The following RBFOX1 variants were observed in gnomAD, a reference collection of about 807,000 sequenced individuals.
The protein encoded by RBFOX1 is RNA binding fox-1 homolog 1.
RBFOX1 carries 8 observed loss-of-function variants against 57.7 expected under a neutral mutation model. That is an observed-to-expected ratio of 0.14 (90% CI 0.08 to 0.25). RBFOX1 has a LOEUF of 0.25. Among genes scored for constraint, RBFOX1 ranks in the 10% least tolerant of loss-of-function variants. The pLI, the probability that RBFOX1 is intolerant of heterozygous loss-of-function variation, is 1.00. For missense variants in RBFOX1, 611 were observed against 548.5 expected (o/e 1.11, Z -1.14); for synonymous variants, 326 against 222.4 (o/e 1.47, Z -4.15).
Position 6,664,094 on chromosome 16 carries a change from C to G in RBFOX1, c.-16+9444C>G, listed in dbSNP as rs971097711. Among the ~76,000 whole-genome samples, 11 of 152,174 alleles carry G rather than the reference C, an allele frequency of 7.2e-5. No homozygotes were observed. The East Asian group carries it at 1.2e-3, about 16-fold the overall frequency. Reference sequence around the variant, plus strand: ...AGACAGTTTCTTTGTCTTATAGAGTCTACTTGCTCATAGATCATGTTTATG... The same window carrying G: ...AGACAGTTTCTTTGTCTTATAGAGTGTACTTGCTCATAGATCATGTTTATG... On this transcript the variant is annotated intron_variant, in intron 3 of 15. Coordinates refer to ENST00000550418, the MANE Select transcript of RBFOX1 (RefSeq NM_018723.4).
intron 3 of RBFOX1, among the ~76,000 whole-genome samples, chr16:6,947,502 T>C (rs958432027): frequency 1.3e-5 from 2 of 152,084 alleles, no homozygotes; most frequent in Non-Finnish European, 2.9e-5. Flanking sequence ...CACCCTGAAA[T>C]AGAGCGAAAA....
chr16:6,029,703 G>A (rs1376674556), intron 1 of RBFOX1, among the ~76,000 whole-genome samples: 1 of 151,356 alleles, frequency 6.6e-6, no homozygotes, highest in Non-Finnish European at 1.5e-5. Flanking sequence ...AACATGGGGA[G>A]CGGAGTTTGC....
intron 2 of RBFOX1, among the ~76,000 whole-genome samples, chr16:6,553,792 G>T (rs929141017): frequency 2.0e-5 from 3 of 152,144 alleles, no homozygotes; most frequent in African/African-American, 7.2e-5. Context: ...TTTCCTAAAG[G>T]GTAGAAGGAA....
chr16:7,197,828 A>G (rs940963563), intron 4 of RBFOX1, among the ~76,000 whole-genome samples: 4 of 152,144 alleles, frequency 2.6e-5, no homozygotes, highest in Non-Finnish European at 4.4e-5. Flanking sequence ...AAAAGGTCAC[A>G]TGTTATTCCA....
intron 2 of RBFOX1, among the ~76,000 whole-genome samples, chr16:6,491,864 G>A (rs1357689464): frequency 2.0e-5 from 3 of 152,140 alleles, no homozygotes; most frequent in Non-Finnish European, 4.4e-5. Context: ...TAACATTGGT[G>A]AAAAATGAAT....
At chr16:7,655,905 T>C (rs946740595) in intron 12 of RBFOX1, among the ~76,000 whole-genome samples, 26 of 152,348 alleles carry the variant, frequency 1.7e-4, no homozygotes, top group African/African-American at 5.3e-4. Flanking sequence ...AGCTAACTTA[T>C]AATGAACATG....
At chr16:6,534,578 T>C (rs1006447722) in intron 2 of RBFOX1, among the ~76,000 whole-genome samples, 15 of 152,270 alleles carry the variant, frequency 9.9e-5, no homozygotes, top group Non-Finnish European at 1.9e-4. Flanking sequence ...AATCACCAAA[T>C]GTTTAGTAAA....
chr16:5,302,733 T>G (rs2063835079), intron 1 of RBFOX1, among the ~76,000 whole-genome samples: 1 of 152,228 alleles, frequency 6.6e-6, no homozygotes, highest in Non-Finnish European at 1.5e-5. Flanking sequence ...CTGATATTAT[T>G]CATGCCAAAC....
chr16:5,573,312 A>G (rs7200301), intron 2 of RBFOX1, among the ~76,000 whole-genome samples: 55,446 of 152,046 alleles, frequency 0.36, 11,618 homozygotes, highest in East Asian at 0.53. Context: ...TGAAGGCCAC[A>G]AAGGTGGTTC....
At chr16:6,084,201 A>G (rs917367937) in intron 1 of RBFOX1, among the ~76,000 whole-genome samples, 4 of 151,942 alleles carry the variant, frequency 2.6e-5, no homozygotes, top group Admixed American at 6.6e-5. Context: ...GTGCCCAGAA[A>G]TTTGCAGTAT....
At chr16:5,394,951 C>G (rs2066509651) in intron 1 of RBFOX1, among the ~76,000 whole-genome samples, 2 of 152,116 alleles carry the variant, frequency 1.3e-5, no homozygotes, top group East Asian at 1.9e-4. Flanking sequence ...GCATGATTCT[C>G]CTGAAGCTTA....
chr16:6,746,746 G>A (rs990626423), intron 3 of RBFOX1, among the ~76,000 whole-genome samples: 3 of 151,962 alleles, frequency 2.0e-5, no homozygotes, highest in African/African-American at 4.8e-5. Flanking sequence ...TTTACATAGG[G>A]CAGAAAAGTG....
chr16:7,174,889 C>A (rs2081358445), intron 4 of RBFOX1, among the ~76,000 whole-genome samples: 1 of 152,192 alleles, frequency 6.6e-6, no homozygotes, highest in Non-Finnish European at 1.5e-5. Flanking sequence ...TGTGCCACAT[C>A]CTTGACAACT....
intron 3 of RBFOX1, among the ~76,000 whole-genome samples, chr16:5,650,079 G>A (rs970162920): frequency 2.6e-5 from 4 of 152,188 alleles, no homozygotes; most frequent in Admixed American, 6.5e-5. Context: ...TTGAAGGCAC[G>A]TTGGGGTCTT....
intron 3 of RBFOX1, among the ~76,000 whole-genome samples, chr16:6,901,319 C>T (rs971044497): frequency 1.3e-5 from 2 of 152,150 alleles, no homozygotes; most frequent in Non-Finnish European, 2.9e-5. Context: ...AGCAACACGG[C>T]AAGTCAACAG....
rs73535691 is a variant in RBFOX1 at position 6,702,817 on chromosome 16, A to G, written c.-16+48167A>G. ...CTTAGCCATTTTAAATGTAGAGTTC[A>G]GTGGCATTAAATACATTCACATTGT... is the stretch of plus-strand genomic sequence containing the variant. On this transcript the variant is annotated intron_variant, in intron 3 of 15. Coordinates refer to ENST00000550418, the MANE Select transcript of RBFOX1 (RefSeq NM_018723.4). Among the ~76,000 whole-genome samples, 383 of 152,350 alleles carry G rather than the reference A, an allele frequency of 2.5e-3. 1 individual carries two copies. Among genetic ancestry groups the G allele is most frequent in the African/African-American group, 9.0e-3 (374 of 41,582 alleles).
intron 2 of RBFOX1, among the ~76,000 whole-genome samples, chr16:6,407,144 C>T (rs1305296627): frequency 1.3e-5 from 2 of 152,112 alleles, no homozygotes; most frequent in Non-Finnish European, 2.9e-5. Context: ...TGCCTAGCAA[C>T]CATCTATATT....
intron 4 of RBFOX1, among the ~76,000 whole-genome samples, chr16:5,900,897 C>T (rs539428350): frequency 6.6e-6 from 1 of 152,304 alleles, no homozygotes; most frequent in East Asian, 1.9e-4. Flanking sequence ...GTTCTGATTA[C>T]CTGGGGAAAT....
intron 4 of RBFOX1, among the ~76,000 whole-genome samples, chr16:7,062,537 T>A (rs2054700712): frequency 6.6e-6 from 1 of 152,116 alleles, no homozygotes; most frequent in Admixed American, 6.6e-5. Flanking sequence ...TAGCTAGTAC[T>A]TTATTATTCT....
Sources: allele counts gnomAD v4.1 joint callset (sites outside exome capture counted in the v4.1 genomes callset), GRCh38; gene constraint gnomAD v4.1.1; transcripts MANE v1.5; gene names NCBI Gene and HGNC (gene_info 2026-07-23, HGNC 2026-07-21).